The following SPTLC1 variants were observed in gnomAD, a reference collection of about 807,000 sequenced individuals.
The protein encoded by SPTLC1 is serine palmitoyltransferase 1.
A neutral mutation model predicts 68.9 loss-of-function variants in SPTLC1; 55 were observed. That is an observed-to-expected ratio of 0.80 (90% CI 0.64 to 1.00). SPTLC1 has a LOEUF of 1.00. SPTLC1 is among the 50% of genes least tolerant of loss of function. The pLI is 0.00. For synonymous variants in SPTLC1, 197 were observed against 201.6 expected (o/e 0.98, Z 0.19); for missense variants, 449 against 573.1 (o/e 0.78, Z 2.21).
intron 6 of SPTLC1, among the ~76,000 whole-genome samples, chr9:92,066,221 G>T (rs905793301): frequency 5.3e-5 from 8 of 152,214 alleles, no homozygotes; most frequent in African/African-American, 1.9e-4. Flanking sequence ...GCAGAGCAGG[G>T]TGCGTGTGAG....
intron 5 of SPTLC1, among the ~76,000 whole-genome samples, chr9:92,076,581 C>T (rs1834689411): frequency 6.6e-6 from 1 of 152,168 alleles, no homozygotes; most frequent in Non-Finnish European, 1.5e-5. Flanking sequence ...GGATATAAAT[C>T]TTTAACCCAC....
In SPTLC1 at chr9:92,032,486, T is replaced by C; in HGVS notation, c.1401A>G (p.Val467=). ...LERAASTIKE[V]AQAVLL ...CTGCCTAGAGCAGGACGGCCTGGGC[T>C]ACCTCCTTGATGGTGGACGCAGCTC... The change falls in exon 15 of 15, where the codon GTA becomes GTG. Residue 467 remains valine, a synonymous_variant. Coordinates refer to ENST00000262554, the MANE Select transcript of SPTLC1 (RefSeq NM_006415.4). The C allele has an allele frequency of 6.2e-6, 10 of 1,614,230 alleles. No homozygotes were observed. The highest frequency in any genetic ancestry group is 8.5e-6 in the Non-Finnish European group (10 of 1,180,032).
chr9:92,061,908 TAGAG>T (rs1252690796), intron 6 of SPTLC1, among the ~76,000 whole-genome samples: 2 of 151,384 alleles, frequency 1.3e-5, no homozygotes, highest in African/African-American at 4.9e-5. Context: ...AAAGAGAAAA[TAGAG>T]AAACACAAAG....
chr9:92,044,619 A>G (rs1418748569), intron 12 of SPTLC1, among the ~76,000 whole-genome samples: 2 of 152,232 alleles, frequency 1.3e-5, no homozygotes, highest in Non-Finnish European at 2.9e-5. Flanking sequence ...TAAAGTGGAC[A>G]TGACTGCTAA....
chr9:92,112,866 G>A (rs1836299374), intron 1 of SPTLC1, among the ~76,000 whole-genome samples: 1 of 152,174 alleles, frequency 6.6e-6, no homozygotes, highest in African/African-American at 2.4e-5. Flanking sequence ...CCAGCACTTT[G>A]GGAGGCCAAG....
At chr9:92,067,180 T>A (rs996874317) in intron 6 of SPTLC1, among the ~76,000 whole-genome samples, 17 of 151,616 alleles carry the variant, frequency 1.1e-4, no homozygotes, top group African/African-American at 4.1e-4. Flanking sequence ...ATGCCTGTAA[T>A]CCCAGCTACT....
chr9:92,067,929 G>T, intron 6 of SPTLC1, 37 bp downstream of exon 6: 1 of 1,603,236 alleles, frequency 6.2e-7, no homozygotes, highest in African/African-American at 1.4e-5. Flanking sequence ...TTATTTCAAA[G>T]GAACTGCTAT....
intron 3 of SPTLC1, among the ~76,000 whole-genome samples, chr9:92,106,598 C>T (rs989073318): frequency 2.6e-5 from 4 of 152,120 alleles, no homozygotes; most frequent in Non-Finnish European, 4.4e-5. Context: ...CCCAGCTCCT[C>T]GTCTTACTCT....
At chr9:92,035,647 T>A (rs1400953998) in intron 13 of SPTLC1, among the ~76,000 whole-genome samples, 1 of 151,972 alleles carries the variant, frequency 6.6e-6, no homozygotes. Context: ...TAGGGTGAAT[T>A]TTATGGTATG....
At chr9:92,090,306 A>G (rs888515631) in intron 3 of SPTLC1, among the ~76,000 whole-genome samples, 1 of 152,136 alleles carries the variant, frequency 6.6e-6, no homozygotes, top group African/African-American at 2.4e-5. Context: ...TCAGTAAGGA[A>G]GAGAGGAAGA....
chr9:92,054,560 A>C (rs1352108514), intron 8 of SPTLC1, among the ~76,000 whole-genome samples: 1 of 152,138 alleles, frequency 6.6e-6, no homozygotes, highest in African/African-American at 2.4e-5. Context: ...AACTTATCAA[A>C]CTTTACCCTT....
At chr9:92,083,236 T>C (rs1454788306) in intron 3 of SPTLC1, among the ~76,000 whole-genome samples, 2 of 152,178 alleles carry the variant, frequency 1.3e-5, no homozygotes, top group African/African-American at 2.4e-5. Context: ...CAGAAGCTCT[T>C]TAGTTTAATT....
intron 8 of SPTLC1, 73 bp from the exon 9 acceptor site, chr9:92,050,140 G>A: frequency 1.0e-6 from 1 of 977,638 alleles, no homozygotes; most frequent in Admixed American, 1.7e-5. Flanking sequence ...AAAAAATTAA[G>A]ATTAAAAAGT....
intron 3 of SPTLC1, among the ~76,000 whole-genome samples, chr9:92,093,652 G>A (rs745560147): frequency 2.1e-4 from 32 of 152,178 alleles, no homozygotes; most frequent in African/African-American, 6.3e-4. Context: ...TAAGATATAC[G>A]ATGGTCAGCT....
chr9:92,093,596 A>G (rs1308421865), intron 3 of SPTLC1, among the ~76,000 whole-genome samples: 2 of 152,266 alleles, frequency 1.3e-5, no homozygotes, highest in African/African-American at 4.8e-5. Flanking sequence ...AACAAAATAC[A>G]AAGTATTTAC....
chr9:92,046,129 C>T, intron 11 of SPTLC1, 76 bp from the exon 12 acceptor site: 1 of 1,200,312 alleles, frequency 8.3e-7, no homozygotes, highest in Non-Finnish European at 1.2e-6. Context: ...TTTGAAGACC[C>T]AGATCAAGTT....
At chr9:92,032,815 G>A (rs1159112039) in intron 14 of SPTLC1, among the ~76,000 whole-genome samples, 2 of 151,206 alleles carry the variant, frequency 1.3e-5, no homozygotes, top group Admixed American at 6.6e-5. Flanking sequence ...GGCGGAGCTA[G>A]CAGTGAGCCG....
intron 12 of SPTLC1, among the ~76,000 whole-genome samples, chr9:92,038,967 TAAAACAAAAACA>T (rs762852344): frequency 7.2e-4 from 109 of 152,220 alleles, no homozygotes; most frequent in Middle Eastern, 6.8e-3. Flanking sequence ...TCTCTACAAA[TAAAACAAAAACA>T]AAAACAAAAA....
rs1587608889 is a variant in SPTLC1, at chr9:92,101,754, A to G, written c.260+6986T>C. ...ACCCAGACTGAGGGAAAAAAGGAGA[A>G]AAAAAGAGTAAAAAGAATCAAAGAA... is the stretch of plus-strand genomic sequence containing the variant. On this transcript the variant is annotated intron_variant, in intron 3 of 14. Coordinates refer to ENST00000262554, the MANE Select transcript of SPTLC1 (RefSeq NM_006415.4). Among the ~76,000 whole-genome samples, 2 of 150,182 alleles carry G rather than the reference A, an allele frequency of 1.3e-5. 1 individual carries two copies. Among genetic ancestry groups the G allele is most frequent in the South Asian group, 4.3e-4 (2 of 4,652 alleles).
Sources: allele counts gnomAD v4.1 joint callset (sites outside exome capture counted in the v4.1 genomes callset), GRCh38; gene constraint gnomAD v4.1.1; transcripts MANE v1.5; gene names NCBI Gene and HGNC (gene_info 2026-07-23, HGNC 2026-07-21).